C1QTNF8: variants seen among roughly 807,000 people sequenced by gnomAD.
The protein encoded by C1QTNF8 is C1q and TNF related 8, also known as complement C1q tumor necrosis factor-related protein 8.
A neutral mutation model predicts 19.2 loss-of-function variants in C1QTNF8; 27 were observed. That is an observed-to-expected ratio of 1.41 (90% CI 1.04 to 1.94). The LOEUF (loss-of-function observed/expected upper bound fraction) is 1.94. C1QTNF8 is among the 30% of genes most tolerant of loss of function. C1QTNF8 has a pLI of 0.00. For missense variants in C1QTNF8, 484 were observed against 374.4 expected (o/e 1.29, Z -2.42); for synonymous variants, 208 against 172.8 (o/e 1.20, Z -1.60).
In C1QTNF8 at chr16:1,088,719, G is replaced by A. The variant is rs113699191; in HGVS notation, c.*1880C>T. 0.053 allele frequency among the ~76,000 whole-genome samples: 4,668 copies of A among 87,398 alleles called. 92 individuals carry two copies. Among genetic ancestry groups the A allele is most frequent in the African/African-American group, 0.13 (2,441 of 18,562 alleles). 57.3% of individuals were successfully genotyped at this position (87,398 alleles called of 152,430 possible). ...CCCCGGTTCTCTGAGAACCAGGGTC[G>A]CCACTGGCATTCATTAGACACCCCC... On this transcript the variant is annotated 3_prime_UTR_variant, in exon 5 of 5. Transcript: ENST00000328449.
Position 1,093,765 on chromosome 16 carries a change from G to C in C1QTNF8, c.495C>G (p.Phe165Leu), listed in dbSNP as rs145396492. ...TCCAGGTGTGCACGTTGAGGCTGAGGAAGTAGACGCCGGGCACCGTGCAGA... is the reference window on the plus strand; with the variant it reads ...TCCAGGTGTGCACGTTGAGGCTGAGCAAGTAGACGCCGGGCACCGTGCAGA... Reference protein sequence around the residue: ...RFLCTVPGVYFLSLNVHTWNY... With the variant: ...RFLCTVPGVYLLSLNVHTWNY... The change falls in exon 4 of 5, where the codon TTC becomes TTG. Residue 165 changes from phenylalanine to leucine, a missense_variant. Phe to Leu is a conservative substitution (Grantham distance 22). Transcript: ENST00000328449. 175 of 1,612,230 alleles carry C rather than the reference G, an allele frequency of 1.1e-4. No homozygotes were observed. In the African/African-American group the frequency reaches 2.0e-3, roughly 19 times the overall value.
rs769380400 is a variant in C1QTNF8 at position 1,088,592 on chromosome 16, A to T, written c.*2007T>A. Among the ~76,000 whole-genome samples, 10 of 152,152 alleles carry T rather than the reference A, an allele frequency of 6.6e-5. No individual in the cohort carries two copies. The highest frequency in any genetic ancestry group is 2.4e-4 in the African/African-American group (10 of 41,420). ...TGGCAGAGAATCGTGACCGTATCTT[A>T]TCTCACTTTCAGTTCTCAGTCATTG... On this transcript the variant is annotated 3_prime_UTR_variant, in exon 5 of 5. Coordinates refer to ENST00000328449, the MANE Select transcript of C1QTNF8 (RefSeq NM_207419.3).
In C1QTNF8 at chr16:1,093,540, G is replaced by T. The variant is rs565955146; in HGVS notation, c.720C>A (p.Thr240=). 1.9e-6 allele frequency: 3 copies of T among 1,569,548 alleles called. No individual in the cohort carries two copies. The African/African-American group carries it at 4.1e-5, about 21-fold the overall frequency. ...IYGEHGDLYI[T]FSGHLVKPAA... is the part of the protein sequence containing the mutation. ...CCGGCTTGACCAGGTGGCCGCTGAAGGTGATGTAGAGGTCTCCGTGCTCGC... is the reference window on the plus strand; with the variant it reads ...CCGGCTTGACCAGGTGGCCGCTGAATGTGATGTAGAGGTCTCCGTGCTCGC... Residue 240 remains threonine, a synonymous_variant, in exon 4 of 5, where the codon ACC becomes ACA. Transcript: ENST00000328449.
rs2151563042 is a variant in C1QTNF8 at position 1,088,691 on chromosome 16, C to A, written c.*1908G>T. Among the ~76,000 whole-genome samples, 1 of 152,254 alleles carries A rather than the reference C, an allele frequency of 6.6e-6. No homozygotes were observed. Among genetic ancestry groups the A allele is most frequent in the East Asian group, 1.9e-4 (1 of 5,188 alleles). ...GTCTGAGGCTCTCACAGGCATCTCC[C>A]CACCCCGGTTCTCTGAGAACCAGGG... is the stretch of plus-strand genomic sequence containing the variant. On this transcript the variant is annotated 3_prime_UTR_variant, in exon 5 of 5. Coordinates refer to ENST00000328449, the MANE Select transcript of C1QTNF8 (RefSeq NM_207419.3).
At position 1,094,905 on chromosome 16, in the gene C1QTNF8, C is replaced by G. The variant is rs1301993278; in HGVS notation, c.18G>C (p.Leu6=). The G allele has an allele frequency of 3.0e-6, 4 of 1,336,510 alleles. No individual in the cohort carries two copies. The highest frequency in any genetic ancestry group is 3.9e-6 in the Non-Finnish European group (4 of 1,037,904). The allele number at this position is 1,336,510 out of a possible 1,614,324, so 82.8% of individuals were successfully genotyped here. The change falls in exon 3 of 5, where the codon CTG becomes CTC. Residue 6 remains leucine, a synonymous_variant. Coordinates refer to ENST00000328449, the MANE Select transcript of C1QTNF8 (RefSeq NM_207419.3). MAAPA[L]LLLALLLPVG... ...CGGGCAGCAGCAGTGCTAGGAGCAG[C>G]AGGGCGGGGGCTGCCATCTTGGCCA... is the stretch of plus-strand genomic sequence containing the variant.
chr16:1,095,009 G>T, intron 2 of C1QTNF8, 76 bp from the exon 3 acceptor site: 1 of 602,076 alleles, frequency 1.7e-6, no homozygotes, highest in Non-Finnish European at 2.5e-6. Flanking sequence ...CGGCAGCCCG[G>T]CCCTGCCCCC....
chr16:1,092,132 C>A (rs1288486708), intron 4 of C1QTNF8, among the ~76,000 whole-genome samples: 1 of 152,232 alleles, frequency 6.6e-6, no homozygotes, highest in Admixed American at 6.5e-5. Flanking sequence ...ACACCCAGTA[C>A]CACAGGCCTC....
chr16:1,092,220 C>T (rs1224149365), intron 4 of C1QTNF8, among the ~76,000 whole-genome samples: 1 of 152,356 alleles, frequency 6.6e-6, no homozygotes, highest in South Asian at 2.1e-4. Flanking sequence ...TTGCTCCCAA[C>T]ACACCCAGCA....
rs748702651 is a variant in C1QTNF8, at chr16:1,094,772, C to G, written c.151G>C (p.Asp51His). ...ACTCGAGGCAGCCCCCTCCACAGGT[C>G]CCCCCTCCACAGGTCCCTGTCACTC... is the stretch of plus-strand genomic sequence containing the variant. The part of the protein sequence containing the change: ...RVSDRDLWRG[D>H]LWRGLPRVRP... The change falls in exon 3 of 5, where the codon GAC becomes CAC. Residue 51 changes from aspartate to histidine, a missense_variant. Asp to His is a moderately conservative substitution (Grantham distance 81). Coordinates refer to ENST00000328449, the MANE Select transcript of C1QTNF8 (RefSeq NM_207419.3). 3.2e-6 allele frequency: 5 copies of G among 1,545,072 alleles called. No homozygotes were observed. Among genetic ancestry groups the G allele is most frequent in the Non-Finnish European group, 2.6e-6 (3 of 1,148,116 alleles).
Position 1,094,945 on chromosome 16 carries a change from G to A in C1QTNF8, c.-11-12C>T, listed in dbSNP as rs1960653694. 6.0e-6 allele frequency: 7 copies of A among 1,175,248 alleles called. No individual in the cohort carries two copies. In the East Asian group the frequency reaches 1.6e-4, roughly 27 times the overall value. 72.8% of individuals were successfully genotyped at this position (1,175,248 alleles called of 1,614,324 possible). ...CATCTTGGCCAGGGCTGGGGGAGAG[G>A]AAAGAGGGGAGGGACTGAGAAGGAG... is the stretch of plus-strand genomic sequence containing the variant. On this transcript the variant is annotated splice_polypyrimidine_tract_variant and intron_variant, in intron 2 of 4. Coordinates refer to ENST00000328449, the MANE Select transcript of C1QTNF8 (RefSeq NM_207419.3).
At chr16:1,091,290 G>C (rs560639960) in intron 4 of C1QTNF8, among the ~76,000 whole-genome samples, 1 of 152,244 alleles carries the variant, frequency 6.6e-6, no homozygotes, top group East Asian at 1.9e-4. Flanking sequence ...GCCTTGTGAG[G>C]GTTCCAGGCA....
rs922914893 is a variant in C1QTNF8 at position 1,089,706 on chromosome 16, G to A, written c.*893C>T. Among the ~76,000 whole-genome samples, 5 of 152,212 alleles carry A rather than the reference G, an allele frequency of 3.3e-5. No homozygotes were observed. Among genetic ancestry groups the A allele is most frequent in the African/African-American group, 7.2e-5 (3 of 41,452 alleles). On this transcript the variant is annotated 3_prime_UTR_variant, in exon 5 of 5. Coordinates refer to ENST00000328449, the MANE Select transcript of C1QTNF8 (RefSeq NM_207419.3). The stretch of plus-strand genomic sequence containing the variant: ...CTGCTGCTGCAGCCAGGACCAGGCT[G>A]TGGGCTTCTCTCCTGGCACCTCTTA...
chr16:1,094,190 T>G, intron 3 of C1QTNF8, 139 bp from the exon 4 acceptor site: 1 of 668,182 alleles, frequency 1.5e-6, no homozygotes, highest in East Asian at 3.4e-5. Context: ...TCTCCCAGTC[T>G]CCGCGTCCAC....
rs772938417 is a variant in C1QTNF8, at chr16:1,093,634, A to C, written c.626T>G (p.Leu209Arg). 1 of 1,609,502 alleles carries C rather than the reference A, an allele frequency of 6.2e-7. No individual in the cohort carries two copies. Among genetic ancestry groups the C allele is most frequent in the South Asian group, 1.1e-5 (1 of 90,900 alleles). ...RSVMQAQSLM[L>R]LLAAGDAVWV... ...GACGGCGTCGCCCGCCGCCAGCAGCAGCATCAGGCTCTGGGCCTGCATGAC... is the reference window on the plus strand; with the variant it reads ...GACGGCGTCGCCCGCCGCCAGCAGCCGCATCAGGCTCTGGGCCTGCATGAC... The change falls in exon 4 of 5, where the codon CTG becomes CGG. Residue 209 changes from leucine to arginine, a missense_variant. Leu to Arg is a moderately radical substitution (Grantham distance 102). Transcript: ENST00000328449.
At chr16:1,092,948 A>C (rs55783518) in intron 4 of C1QTNF8, among the ~76,000 whole-genome samples, 18 of 4,198 alleles carry the variant, frequency 4.3e-3, no homozygotes, top group Admixed American at 0.01. Flanking sequence ...TCAACCAATC[A>C]CAGCACACAG....
chr16:1,093,537 G>C lies in C1QTNF8; in HGVS notation c.723C>G (p.Phe241Leu). The change falls in exon 4 of 5, where the codon TTC (phenylalanine) becomes TTG (leucine). Residue 241 changes from phenylalanine (F) to leucine (L), a missense_variant. Phe to Leu is a conservative substitution (Grantham distance 22). Transcript: ENST00000328449. ...YGEHGDLYIT[F>L]SGHLVKPAAE... ...CGGCCGGCTTGACCAGGTGGCCGCTGAAGGTGATGTAGAGGTCTCCGTGCT... is the reference window on the plus strand; with the variant it reads ...CGGCCGGCTTGACCAGGTGGCCGCTCAAGGTGATGTAGAGGTCTCCGTGCT... The C allele has an allele frequency of 6.4e-7, 1 of 1,565,026 alleles. No homozygotes were observed. The highest frequency in any genetic ancestry group is 1.1e-5 in the South Asian group (1 of 86,964).
At chr16:1,095,879 A>G (rs1400260126) in intron 1 of C1QTNF8, 91 bp from the exon 2 acceptor site, 1 of 151,572 alleles carries the variant, frequency 6.6e-6, no homozygotes, top group African/African-American at 2.4e-5. Context: ...ACCCTGACTC[A>G]CCCCCTGGCC....
chr16:1,088,395 G>A lies in C1QTNF8; in HGVS notation c.*2204C>T, dbSNP rs545548462. 1.3e-5 allele frequency among the ~76,000 whole-genome samples: 2 copies of A among 152,270 alleles called. No individual in the cohort carries two copies. The highest frequency in any genetic ancestry group is 1.9e-4 in the East Asian group (1 of 5,178). ...GTTGACTCATGATTAAAGCCAGCAC[G>A]GGCCGACCACGGGGGTGCCCGGTGC... On this transcript the variant is annotated 3_prime_UTR_variant, in exon 5 of 5. Coordinates refer to ENST00000328449, the MANE Select transcript of C1QTNF8 (RefSeq NM_207419.3).
In C1QTNF8 at chr16:1,093,655, A is replaced by G. The variant is rs1467513835; in HGVS notation, c.605T>C (p.Met202Thr). ...CAGCAGCATCAGGCTCTGGGCCTGC[A>G]TGACGCTGCGCTCGCTGGGCTGCGC... ...LYAQPSERSV[M>T]QAQSLMLLLA... is the part of the protein sequence containing the mutation. The change falls in exon 4 of 5, where the codon ATG becomes ACG. Residue 202 changes from methionine to threonine, a missense_variant. Coordinates refer to ENST00000328449, the MANE Select transcript of C1QTNF8 (RefSeq NM_207419.3). The G allele has an allele frequency of 6.2e-7, 1 of 1,608,492 alleles. No individual in the cohort carries two copies. Among genetic ancestry groups the G allele is most frequent in the East Asian group, 2.2e-5 (1 of 44,800 alleles).
Sources: allele counts gnomAD v4.1 joint callset (sites outside exome capture counted in the v4.1 genomes callset), GRCh38; gene constraint gnomAD v4.1.1; transcripts MANE v1.5; gene names NCBI Gene and HGNC (gene_info 2026-07-23, HGNC 2026-07-21).